ZNF846: variants seen among roughly 807,000 people sequenced by gnomAD.
The protein encoded by ZNF846 is zinc finger protein 846, also known as zinc finger protein 420 pseudogene.
In ZNF846, 15 loss-of-function variants were observed where a neutral mutation model predicts 16.0. The observed-to-expected ratio is 0.94, with a 90% CI of 0.63 to 1.45. ZNF846 has a LOEUF of 1.45. ZNF846 is among the 40% of genes most tolerant of loss of function. ZNF846 has a pLI of 0.00. For missense variants in ZNF846, 714 were observed against 622.3 expected, an observed-to-expected ratio of 1.15 and a Z score of -1.57; for synonymous variants, 229 against 212.0, an observed-to-expected ratio of 1.08 and a Z score of -0.70.
In ZNF846 at chr19:9,782,537, G is replaced by T. The variant is rs141271903; in HGVS notation, c.-86+3401C>A. ...CTCAGCCTCCCAAAGCACTGGGATT[G>T]CAGGCATGAGTCACCATGCCCAGCC... On this transcript the variant is annotated intron_variant, in intron 1 of 4. Transcript: ENST00000586814. Among the ~76,000 whole-genome samples, 486 of 152,216 alleles carry T rather than the reference G, an allele frequency of 3.2e-3. 4 individuals carry two copies. The highest frequency in any genetic ancestry group is 5.4e-3 in the Non-Finnish European group (370 of 68,000).
At chr19:9,760,162 G>A (rs1275124921) in intron 4 of ZNF846, among the ~76,000 whole-genome samples, 1 of 150,810 alleles carries the variant, frequency 6.6e-6, no homozygotes, top group Non-Finnish European at 1.5e-5. Flanking sequence ...GTGCAGTGGT[G>A]CATGCCTGTA....
downstream of ZNF846, among the ~76,000 whole-genome samples, chr19:9,754,004 A>G (rs1010276926): frequency 2.0e-5 from 3 of 151,552 alleles, no homozygotes; most frequent in Admixed American, 1.3e-4. Flanking sequence ...GTTATGCAGA[A>G]TTGTCTATTT....
At chr19:9,770,127 G>C (rs1444882121), upstream of ZNF846, among the ~76,000 whole-genome samples, 2 of 151,910 alleles carry the variant, frequency 1.3e-5, no homozygotes. Context: ...CAGTTTCGTG[G>C]CTTTTTGTAT....
chr19:9,757,503 A>C (rs1453520019), exon 6 of ZNF846: 1 of 1,602,592 alleles, frequency 6.2e-7, no homozygotes, highest in Non-Finnish European at 8.5e-7. Context: ...CTTAGTTCTT[A>C]GATGTTTAGC....
At chr19:9,757,020 CCT>C (rs1196968760), downstream of ZNF846, among the ~76,000 whole-genome samples, 1 of 149,216 alleles carries the variant, frequency 6.7e-6, no homozygotes, top group Non-Finnish European at 1.5e-5. Context: ...ATGGTGAAAC[CCT>C]GTCTCTACTA....
At chr19:9,750,597 T>G (rs963571444), downstream of ZNF846, among the ~76,000 whole-genome samples, 2 of 152,144 alleles carry the variant, frequency 1.3e-5, no homozygotes, top group Non-Finnish European at 2.9e-5. Flanking sequence ...ACCCCCAAAA[T>G]CCAGTTTGCA....
chr19:9,750,092 G>A (rs565901110), downstream of ZNF846, among the ~76,000 whole-genome samples: 1 of 152,146 alleles, frequency 6.6e-6, no homozygotes, highest in South Asian at 2.1e-4. Context: ...CCAGAACCAA[G>A]CCACACACAC....
At chr19:9,749,895 C>T (rs543118716), downstream of ZNF846, among the ~76,000 whole-genome samples, 2 of 152,208 alleles carry the variant, frequency 1.3e-5, no homozygotes, top group Non-Finnish European at 2.9e-5. Flanking sequence ...AAAAAGCGGC[C>T]ACACTTCTCC....
upstream of ZNF846, among the ~76,000 whole-genome samples, chr19:9,771,530 C>G (rs933899021): frequency 1.3e-5 from 2 of 152,112 alleles, no homozygotes; most frequent in Non-Finnish European, 2.9e-5. Flanking sequence ...TTAGTTCCCA[C>G]TTATAAGTGA....
intron 1 of ZNF846, among the ~76,000 whole-genome samples, chr19:9,776,717 C>T (rs1347400546): frequency 6.6e-6 from 1 of 152,188 alleles, no homozygotes; most frequent in Non-Finnish European, 1.5e-5. Context: ...TCTACACTCT[C>T]TTGTCGCCAC....
chr19:9,774,409 A>G (rs1041310254), intron 1 of ZNF846: 7 of 598,356 alleles, frequency 1.2e-5, no homozygotes, highest in Non-Finnish European at 1.8e-5. Flanking sequence ...TGGAGCTTGC[A>G]GTGAACTGAG....
downstream of ZNF846, among the ~76,000 whole-genome samples, chr19:9,754,984 G>T (rs2045119851): frequency 6.6e-6 from 1 of 151,138 alleles, no homozygotes; most frequent in Non-Finnish European, 1.5e-5. Flanking sequence ...TCCTGCCTCA[G>T]CCTCTCAAGT....
upstream of ZNF846, among the ~76,000 whole-genome samples, chr19:9,772,501 G>A (rs549996462): frequency 1.3e-3 from 204 of 152,046 alleles, 1 homozygote; most frequent in African/African-American, 4.8e-3. Context: ...TTAGGAGGCT[G>A]AGGCAGGAGA....
chr19:9,769,226 A>G (rs972595159), upstream of ZNF846, among the ~76,000 whole-genome samples: 1 of 151,900 alleles, frequency 6.6e-6, no homozygotes, highest in Non-Finnish European at 1.5e-5. Flanking sequence ...CTTGGACCAC[A>G]GTTGGGCCCA....
downstream of ZNF846, chr19:9,757,441 G>A (rs756590451): frequency 2.7e-6 from 4 of 1,502,544 alleles, no homozygotes; most frequent in South Asian, 1.3e-5. Flanking sequence ...TTCCAGATGA[G>A]TTTAGATGTA....
At chr19:9,756,499 CT>C (rs2045138672), downstream of ZNF846, 1 of 150,676 alleles carries the variant, frequency 6.6e-6, no homozygotes, top group Non-Finnish European at 1.5e-5. Flanking sequence ...CATAGAGTTT[CT>C]CTCCAACGCA....
chr19:9,765,910 A>T (rs1004213728), intron 1 of ZNF846, among the ~76,000 whole-genome samples: 3 of 117,882 alleles, frequency 2.5e-5, no homozygotes, highest in Non-Finnish European at 5.9e-5. Context: ...TCTTTATTAA[A>T]TAAATAAATA....
intron 4 of ZNF846, among the ~76,000 whole-genome samples, 164 bp downstream of exon 4, chr19:9,761,917 TA>T (rs74775186): frequency 0.12 from 18,387 of 152,086 alleles, 1,360 homozygotes; most frequent in Admixed American, 0.23. Flanking sequence ...AATGGAAATT[TA>T]AAGATGAGGG....
chr19:9,777,466 A>T (rs545329237), intron 1 of ZNF846, among the ~76,000 whole-genome samples: 45 of 151,818 alleles, frequency 3.0e-4, no homozygotes, highest in African/African-American at 1.0e-3. Flanking sequence ...AGGTCAGGAG[A>T]TCGAGACCAT....
Sources: allele counts gnomAD v4.1 joint callset (sites outside exome capture counted in the v4.1 genomes callset), GRCh38; gene constraint gnomAD v4.1.1; transcripts MANE v1.5; gene names NCBI Gene and HGNC (gene_info 2026-07-23, HGNC 2026-07-21).